PTPN1: variants seen among roughly 807,000 people sequenced by gnomAD.
PTPN1 encodes the protein protein tyrosine phosphatase non-receptor type 1.
In PTPN1, 12 loss-of-function variants were observed where a neutral mutation model predicts 59.9. That is an observed-to-expected ratio of 0.20 (90% CI 0.13 to 0.32). The LOEUF (loss-of-function observed/expected upper bound fraction) is 0.32, where lower values mean the gene tolerates loss of function less well. Among genes scored for constraint, PTPN1 ranks in the 10% least tolerant of loss-of-function variants. PTPN1 has a pLI of 1.00. For missense variants in PTPN1, 356 were observed against 549.2 expected (o/e 0.65, Z 3.52); for synonymous variants, 178 against 203.6 (o/e 0.87, Z 1.07).
intron 1 of PTPN1, among the ~76,000 whole-genome samples, chr20:50,554,822 T>C (rs918219842): frequency 2.0e-5 from 3 of 151,872 alleles, no homozygotes; most frequent in African/African-American, 7.3e-5. Context: ...AATGTGCCAA[T>C]GGTGGAGATA....
chr20:50,575,106 G>A, intron 5 of PTPN1: 1 of 158,308 alleles, frequency 6.3e-6, no homozygotes, highest in Non-Finnish European at 1.4e-5. Flanking sequence ...TTTGTTGTGG[G>A]AAGAGTTTAT....
rs1286712492 is a variant in PTPN1 at position 50,583,352 on chromosome 20, T to C, written c.*637T>C. On this transcript the variant is annotated 3_prime_UTR_variant, in exon 10 of 10. Transcript: ENST00000371621. ...TTATTTAGTGATATTGTGGGTAACGTGAGAAGATAGAACAATGCTATAATA... is the reference window on the plus strand; with the variant it reads ...TTATTTAGTGATATTGTGGGTAACGCGAGAAGATAGAACAATGCTATAATA... 6.6e-6 allele frequency: 1 copy of C among 152,552 alleles called. No homozygotes were observed. Among genetic ancestry groups the C allele is most frequent in the African/African-American group, 2.4e-5 (1 of 41,444 alleles). The allele number at this position is 152,552 out of a possible 1,614,324, so 9.4% of individuals were successfully genotyped here. A position where few individuals can be genotyped will look rare whatever the true frequency, so the allele number is the denominator to read the frequency against.
intron 1 of PTPN1, among the ~76,000 whole-genome samples, chr20:50,542,834 G>C (rs1393394046): frequency 1.3e-5 from 2 of 152,082 alleles, no homozygotes; most frequent in Non-Finnish European, 2.9e-5. Context: ...TATGTATTCC[G>C]TTCTAAGAAG....
chr20:50,567,755 G>A (rs752232667), intron 3 of PTPN1, among the ~76,000 whole-genome samples: 12 of 152,212 alleles, frequency 7.9e-5, no homozygotes, highest in Non-Finnish European at 1.6e-4. Context: ...GCCAAGGATG[G>A]AGGCTGTCTG....
chr20:50,570,013 A>G (rs1377964980), intron 4 of PTPN1, among the ~76,000 whole-genome samples: 3 of 152,252 alleles, frequency 2.0e-5, no homozygotes, highest in Non-Finnish European at 4.4e-5. Context: ...TGCCAGGTCC[A>G]GGCTCAGCTA....
rs1158218285 is a variant in PTPN1, at chr20:50,550,667, T to TG, written c.64-10695dup. Reference sequence around the variant, plus strand: ...GGACACTTCAAGCTTTGGGAACCTTTGAAGTATCCATTGATTCAGTTAACA... The same window carrying TG: ...GGACACTTCAAGCTTTGGGAACCTTTGGAAGTATCCATTGATTCAGTTAACA... On this transcript the variant is annotated intron_variant, in intron 1 of 9. Coordinates refer to ENST00000371621, the MANE Select transcript of PTPN1 (RefSeq NM_002827.4). 5.9e-5 allele frequency among the ~76,000 whole-genome samples: 9 copies of TG among 152,360 alleles called. No individual in the cohort carries two copies. In the Middle Eastern group the frequency reaches 0.02, roughly 345 times the overall value.
intron 1 of PTPN1, among the ~76,000 whole-genome samples, chr20:50,559,717 C>G (rs1220557894): frequency 6.6e-6 from 1 of 151,930 alleles, no homozygotes; most frequent in African/African-American, 2.4e-5. Context: ...GTCATTTTTG[C>G]TATCTTGTTT....
chr20:50,532,379 C>T (rs553018526), intron 1 of PTPN1, among the ~76,000 whole-genome samples: 1 of 152,256 alleles, frequency 6.6e-6, no homozygotes, highest in Non-Finnish European at 1.5e-5. Context: ...GCGAATGTTG[C>T]TCAGATGGAC....
intron 1 of PTPN1, among the ~76,000 whole-genome samples, chr20:50,545,582 G>A (rs931882370): frequency 1.3e-5 from 2 of 152,186 alleles, no homozygotes; most frequent in Non-Finnish European, 2.9e-5. Flanking sequence ...TATGATGCAC[G>A]TGGTTTTACG....
intron 5 of PTPN1, 105 bp from the exon 6 acceptor site, chr20:50,578,315 C>A: frequency 1.1e-6 from 1 of 937,850 alleles, no homozygotes; most frequent in South Asian, 1.5e-5. Context: ...AATGAATGTT[C>A]CTCTTAGAGG....
rs566958866 is a variant in PTPN1, at chr20:50,583,454, C to G, written c.*739C>G. ...TCCCGCTTATTCTCCTCCCTGTTAT[C>G]TGCTAGATCTAGTTCTCAATCACTG... On this transcript the variant is annotated 3_prime_UTR_variant, in exon 10 of 10. Transcript: ENST00000371621. 1.8e-4 allele frequency: 28 copies of G among 152,404 alleles called. No individual in the cohort carries two copies. Among genetic ancestry groups the G allele is most frequent in the African/African-American group, 5.5e-4 (23 of 41,578 alleles). 9.4% of individuals were successfully genotyped at this position (152,404 alleles called of 1,614,324 possible). A position where few individuals can be genotyped will look rare whatever the true frequency, so the allele number is the denominator to read the frequency against.
Position 50,539,644 on chromosome 20 carries a change from CTTTTTTTT to C in PTPN1, c.64-21701_64-21694del, listed in dbSNP as rs5841806. On this transcript the variant is annotated intron_variant, in intron 1 of 9. Transcript: ENST00000371621. ...CAAAGGATTTTTTCCCTCTTTCTCT[CTTTTTTTT>C]TTTTTTTTTTTTTTTTTAAACAGAC... Among the ~76,000 whole-genome samples, 169 of 90,540 alleles carry C rather than the reference CTTTTTTTT, an allele frequency of 1.9e-3. 2 individuals carry two copies. The highest frequency in any genetic ancestry group is 6.4e-3 in the African/African-American group (141 of 21,938). 59.4% of individuals were successfully genotyped at this position (90,540 alleles called of 152,430 possible). A position where few individuals can be genotyped will look rare whatever the true frequency, so the allele number is the denominator to read the frequency against.
At position 50,510,384 on chromosome 20, in the gene PTPN1, TGAAGAAGCAGCAG is replaced by T. The variant is rs2082499957; in HGVS notation, c.-143_-131del. 1.2e-6 allele frequency: 1 copy of T among 839,590 alleles called. No homozygotes were observed. The highest frequency in any genetic ancestry group is 1.8e-6 in the Non-Finnish European group (1 of 544,356). 52.0% of individuals were successfully genotyped at this position (839,590 alleles called of 1,614,324 possible). On this transcript the variant is annotated 5_prime_UTR_variant, in exon 1 of 10. An upstream start codon of the reference 5' UTR is lost. Transcript: ENST00000371621. ...GCGTAGTTCCGGCTGCCGGTTGACA[TGAAGAAGCAGCAG>T]CGGCTAGGGCGGCGGTAGCTGCAGG...
chr20:50,534,987 G>GAAC (rs2082618057), intron 1 of PTPN1, among the ~76,000 whole-genome samples: 1 of 152,172 alleles, frequency 6.6e-6, no homozygotes, highest in South Asian at 2.1e-4. Flanking sequence ...CCTTCAGGCG[G>GAAC]TCCTCCTGCA....
rs955524286 is a variant in PTPN1 at position 50,582,857 on chromosome 20, T to G, written c.*142T>G. ...CCCCGGACGGACGTTGGTTCTGCAC[T>G]AAAACCCATCTTCCCCGGATGTGTG... On this transcript the variant is annotated 3_prime_UTR_variant, in exon 10 of 10. Coordinates refer to ENST00000371621, the MANE Select transcript of PTPN1 (RefSeq NM_002827.4). The surrounding 1 kb of genome is among the most constrained non-coding windows in gnomAD (Gnocchi z 4.2). 1 of 959,180 alleles carries G rather than the reference T, an allele frequency of 1.0e-6. No homozygotes were observed. Among genetic ancestry groups the G allele is most frequent in the East Asian group, 2.6e-5 (1 of 38,242 alleles). The allele number at this position is 959,180 out of a possible 1,614,324, so 59.4% of individuals were successfully genotyped here.
intron 1 of PTPN1, among the ~76,000 whole-genome samples, chr20:50,548,269 A>T (rs536084070): frequency 2.2e-4 from 34 of 151,950 alleles, no homozygotes; most frequent in African/African-American, 7.7e-4. Flanking sequence ...TTTTTAAAAA[A>T]TTTTCATGAT....
chr20:50,556,684 G>A (rs1023786415), intron 1 of PTPN1, among the ~76,000 whole-genome samples: 2 of 152,198 alleles, frequency 1.3e-5, no homozygotes, highest in African/African-American at 2.4e-5. Context: ...GCTGGGTGTC[G>A]TGGCTCACAC....
At chr20:50,548,424 T>G (rs1032634190) in intron 1 of PTPN1, among the ~76,000 whole-genome samples, 1 of 152,050 alleles carries the variant, frequency 6.6e-6, no homozygotes, top group Admixed American at 6.6e-5. Flanking sequence ...ATTGCTTATT[T>G]GATTCTTTTT....
intron 1 of PTPN1, among the ~76,000 whole-genome samples, chr20:50,528,260 G>A (rs1360588997): frequency 6.6e-6 from 1 of 152,064 alleles, no homozygotes; most frequent in Non-Finnish European, 1.5e-5. Context: ...TCCTTTCATA[G>A]CACCATGTCT....
Sources: gnomAD v4.1 joint callset for allele counts (sites outside exome capture counted in the v4.1 genomes callset) on GRCh38, gnomAD v4.1.1 for gene constraint, Gnocchi (gnomAD v3.1) non-coding constraint, MANE v1.5 for transcripts, NCBI Gene and HGNC (gene_info 2026-07-23, HGNC 2026-07-21) for gene names.